The following MAGI1 variants were observed in gnomAD, a reference collection of about 807,000 sequenced individuals.
MAGI1 encodes the protein membrane associated guanylate kinase, WW and PDZ domain containing 1, also known as membrane-associated guanylate kinase, WW and PDZ domain-containing protein 1.
A neutral mutation model predicts 139.9 loss-of-function variants in MAGI1; 58 were observed. That is an observed-to-expected ratio of 0.41 (90% CI 0.34 to 0.52). The LOEUF is 0.52. Ranked by LOEUF, MAGI1 falls within the 20% of genes least tolerant of loss-of-function variation. The pLI, the probability that MAGI1 is intolerant of heterozygous loss-of-function variation, is 0.12. For synonymous variants in MAGI1, 812 were observed against 737.9 expected (o/e 1.10, Z -1.63); for missense variants, 1,874 against 1,901.6 (o/e 0.99, Z 0.27).
At chr3:65,619,725 G>A (rs1576501068) in intron 2 of MAGI1, 3 of 385,268 alleles carry the variant, frequency 7.8e-6, no homozygotes, top group African/African-American at 2.2e-5. Context: ...AACATAAGTC[G>A]AAAGAATCCC....
intron 16 of MAGI1, among the ~76,000 whole-genome samples, chr3:65,380,586 T>C (rs577638934): frequency 6.6e-6 from 1 of 152,334 alleles, no homozygotes; most frequent in South Asian, 2.1e-4. Context: ...AGGTATCTCA[T>C]ATAAAGGGAA....
intron 2 of MAGI1, among the ~76,000 whole-genome samples, chr3:65,529,370 T>C (rs747425491): frequency 6.6e-6 from 1 of 152,146 alleles, no homozygotes; most frequent in Non-Finnish European, 1.5e-5. Context: ...AATTCCCTGT[T>C]CTCCTCTCCC....
intron 1 of MAGI1, among the ~76,000 whole-genome samples, chr3:65,644,277 C>T (rs868732101): frequency 6.6e-6 from 1 of 152,026 alleles, no homozygotes; most frequent in Non-Finnish European, 1.5e-5. Context: ...ATAAAAAAAA[C>T]TCAACCTGAA....
rs199909203 is a variant in MAGI1, at chr3:65,356,811, T to C, written c.3956A>G (p.Lys1319Arg). ...CCTCCGCTTCTCTGGGGACCGCCTC[T>C]TGGGGCCGTTGGCGGCTGCCGCGCG... ...AERAAAANGP[K>R]RRSPEKRREG... The change falls in exon 23 of 23, where the codon AAG (lysine) becomes AGG (arginine). Residue 1319 changes from lysine (K) to arginine (R), a missense_variant. By Grantham distance (26) the Lys-to-Arg change is conservative (BLOSUM62 2). This residue lies in a region of MAGI1 where 653 missense variants were observed against 644.5 expected (regional missense o/e 1.01). Coordinates refer to ENST00000402939, the MANE Select transcript of MAGI1 (RefSeq NM_001033057.2). The C allele has an allele frequency of 4.8e-5, 78 of 1,611,694 alleles. No homozygotes were observed. Among genetic ancestry groups the C allele is most frequent in the Non-Finnish European group, 6.5e-5 (77 of 1,178,576 alleles).
intron 22 of MAGI1, chr3:65,359,958 G>A (rs1940636800): frequency 1.0e-6 from 1 of 985,250 alleles, no homozygotes; most frequent in African/African-American, 1.7e-5. Context: ...ATGGTCAGAA[G>A]TTCAGTACAG....
At chr3:66,017,396 T>C (rs956107434) in intron 1 of MAGI1, among the ~76,000 whole-genome samples, 2 of 152,146 alleles carry the variant, frequency 1.3e-5, no homozygotes, top group Non-Finnish European at 2.9e-5. Context: ...CAAGGAAGGG[T>C]GCCTGGCCTC....
chr3:65,967,826 G>A (rs979614465), intron 1 of MAGI1, among the ~76,000 whole-genome samples: 1 of 152,160 alleles, frequency 6.6e-6, no homozygotes, highest in Non-Finnish European at 1.5e-5. Flanking sequence ...GACCTCCCAG[G>A]GGATGGAAGG....
intron 2 of MAGI1, among the ~76,000 whole-genome samples, chr3:65,589,685 A>G (rs12635482): frequency 6.6e-6 from 1 of 151,688 alleles, no homozygotes; most frequent in African/African-American, 2.4e-5. Flanking sequence ...AACACTCCCA[A>G]TGTGGCATAA....
At chr3:65,508,954 G>A (rs2077424165) in intron 2 of MAGI1, among the ~76,000 whole-genome samples, 1 of 152,200 alleles carries the variant, frequency 6.6e-6, no homozygotes, top group Non-Finnish European at 1.5e-5. Context: ...TGGCAGCAGG[G>A]TAAGACTGCC....
intron 1 of MAGI1, among the ~76,000 whole-genome samples, chr3:65,675,560 C>G (rs543729001): frequency 6.6e-6 from 1 of 152,074 alleles, no homozygotes; most frequent in Non-Finnish European, 1.5e-5. Context: ...ACAATGAATT[C>G]ACCAGTGTAT....
intron 12 of MAGI1, among the ~76,000 whole-genome samples, chr3:65,417,658 T>C (rs1369374554): frequency 6.6e-6 from 1 of 152,080 alleles, no homozygotes; most frequent in African/African-American, 2.4e-5. Context: ...TATCATTGCC[T>C]TTCTTGATGT....
chr3:65,672,170 C>T (rs2086902555), intron 1 of MAGI1, among the ~76,000 whole-genome samples: 3 of 152,142 alleles, frequency 2.0e-5, no homozygotes, highest in African/African-American at 2.4e-5. Flanking sequence ...GAGTGTGCTC[C>T]TCTTTTCAGA....
chr3:65,559,017 T>C (rs2108006453), intron 2 of MAGI1, among the ~76,000 whole-genome samples: 1 of 152,302 alleles, frequency 6.6e-6, no homozygotes, highest in South Asian at 2.1e-4. Flanking sequence ...TTATACATAG[T>C]GCACACGTCA....
At chr3:65,485,846 T>C (rs764802331) in intron 3 of MAGI1, among the ~76,000 whole-genome samples, 3 of 151,832 alleles carry the variant, frequency 2.0e-5, no homozygotes, top group Non-Finnish European at 4.4e-5. Flanking sequence ...AGTCTGTCTC[T>C]GACATCTACA....
At chr3:65,412,500 T>C (rs1945870487) in intron 12 of MAGI1, among the ~76,000 whole-genome samples, 1 of 152,232 alleles carries the variant, frequency 6.6e-6, no homozygotes, top group African/African-American at 2.4e-5. Flanking sequence ...ACTTATTGAT[T>C]GTCTCTATTT....
At chr3:65,417,914 G>C (rs1188412071) in intron 12 of MAGI1, among the ~76,000 whole-genome samples, 1 of 152,130 alleles carries the variant, frequency 6.6e-6, no homozygotes, top group African/African-American at 2.4e-5. Flanking sequence ...ATATTTCAAA[G>C]CACTGCTTTA....
intron 1 of MAGI1, among the ~76,000 whole-genome samples, chr3:65,974,249 ATAG>A (rs766124918): frequency 4.0e-5 from 6 of 151,630 alleles, no homozygotes; most frequent in Non-Finnish European, 8.8e-5. Flanking sequence ...TTCCTGGGAA[ATAG>A]TAGGCCCTCA....
intron 1 of MAGI1, among the ~76,000 whole-genome samples, chr3:65,986,759 G>C (rs10510950): frequency 0.12 from 17,686 of 152,156 alleles, 1,468 homozygotes; most frequent in African/African-American, 0.24. Flanking sequence ...GCTTGTGATA[G>C]TCCAACGGTC....
intron 1 of MAGI1, chr3:65,914,029 G>C (rs1274247991): frequency 1.3e-5 from 2 of 152,172 alleles, no homozygotes; most frequent in African/African-American, 4.8e-5. Flanking sequence ...GAGGATCTTA[G>C]ACCCTGCTTT....
Sources: gnomAD v4.1 joint callset for allele counts (sites outside exome capture counted in the v4.1 genomes callset) on GRCh38, gnomAD v4.1.1 for gene constraint, gnomAD v4.1.1 regional missense constraint, MANE v1.5 for transcripts, NCBI Gene and HGNC (gene_info 2026-07-23, HGNC 2026-07-21) for gene names.